The following TG variants were observed in gnomAD, a reference collection of about 807,000 sequenced individuals.
TG encodes the protein thyroglobulin.
Under a neutral mutation model 324.7 loss-of-function variants are expected in TG, and 270 were observed. The ratio of observed to expected loss-of-function variants is 0.83; its 90% CI spans 0.75 to 0.92. The LOEUF is 0.92. Among genes scored for constraint, TG ranks in the 40% least tolerant of loss-of-function variants. The pLI is 0.00. For synonymous variants in TG, 1,401 were observed against 1,327.0 expected, an observed-to-expected ratio of 1.06 and a Z score of -1.21; for missense variants, 3,591 against 3,456.4, an observed-to-expected ratio of 1.04 and a Z score of -0.98.
intron 11 of TG, among the ~76,000 whole-genome samples, chr8:132,896,857 G>A (rs2132253381): frequency 6.6e-6 from 1 of 152,306 alleles, no homozygotes; most frequent in African/African-American, 2.4e-5. Flanking sequence ...GGAACACTAT[G>A]TACTATGTTG....
chr8:132,891,799 A>G (rs16904779), intron 10 of TG, among the ~76,000 whole-genome samples: 5,371 of 152,288 alleles, frequency 0.035, 219 homozygotes, highest in African/African-American at 0.092. Flanking sequence ...TTTTGAACAA[A>G]AAAACAATAA....
chr8:132,969,500 C>A lies in TG; in HGVS notation c.5906C>A (p.Pro1969Gln). The A allele has an allele frequency of 1.2e-6, 2 of 1,613,920 alleles. No individual in the cohort carries two copies. Among genetic ancestry groups the A allele is most frequent in the Non-Finnish European group, 1.7e-6 (2 of 1,179,882 alleles). ...GTGAAGAACTTTTACACTCGCCTGC[C>A]GTTCCAAAAACTGATGGGGATATCC... ...DKVKNFYTRL[P>Q]FQKLMGISIR... The change falls in exon 32 of 48, where the codon CCG (proline) becomes CAG (glutamine). Residue 1969 changes from proline to glutamine, a missense_variant. Physicochemically the swap from Pro to Gln is moderately conservative, Grantham distance 76. Transcript: ENST00000220616.
In TG at chr8:133,044,676, A is replaced by G. The variant is rs576481759; in HGVS notation, c.7239+14653A>G. Among the ~76,000 whole-genome samples, 187 of 152,316 alleles carry G rather than the reference A, an allele frequency of 1.2e-3. 1 individual carries two copies. Among genetic ancestry groups the G allele is most frequent in the Middle Eastern group, 3.4e-3 (1 of 294 alleles). The stretch of plus-strand genomic sequence containing the variant: ...CTATAACAAAGCCCCAGAGGCTTGA[A>G]TATGTATGGCCCACTTAAGGATGTG... On this transcript the variant is annotated intron_variant, in intron 41 of 47. Transcript: ENST00000220616.
intron 5 of TG, among the ~76,000 whole-genome samples, chr8:132,881,536 G>A (rs1371764769): frequency 6.6e-6 from 1 of 152,164 alleles, no homozygotes; most frequent in African/African-American, 2.4e-5. Context: ...CAGTTAATGC[G>A]ATTTTCCTTG....
rs1564041432 is a variant in TG, at chr8:132,986,380, G to GTGTATATATAGTATATATATGTA, written c.6262+2971_6262+2972insATATATAGTATATATATGTATGT. Among the ~76,000 whole-genome samples the GTGTATATATAGTATATATATGTA allele has an allele frequency of 2.5e-4, 11 of 44,254 alleles. No homozygotes were observed. The South Asian group carries it at 2.9e-3, about 12-fold the overall frequency. The allele number at this position is 44,254 out of a possible 152,430, so 29.0% of individuals were successfully genotyped here. Reference sequence around the variant, plus strand: ...ATATGTGTATATATAGTATATATATGTGTGTATATATGTGTATATATATGT... The same window carrying GTGTATATATAGTATATATATGTA: ...ATATGTGTATATATAGTATATATATGTGTATATATAGTATATATATGTATGTGTATATATGTGTATATATATGT... On this transcript the variant is annotated intron_variant, in intron 35 of 47. Coordinates refer to ENST00000220616, the MANE Select transcript of TG (RefSeq NM_003235.5).
chr8:133,096,723 A>T (rs531261648), intron 43 of TG, among the ~76,000 whole-genome samples: 1 of 152,294 alleles, frequency 6.6e-6, no homozygotes, highest in South Asian at 2.1e-4. Flanking sequence ...CTGAGAGATG[A>T]TGAGGCAGGG....
intron 45 of TG, among the ~76,000 whole-genome samples, chr8:133,128,200 A>G (rs752757710): frequency 6.6e-6 from 1 of 152,116 alleles, no homozygotes; most frequent in Non-Finnish European, 1.5e-5. Flanking sequence ...GAGCCTCAGC[A>G]TCCATCCAGA....
At chr8:133,012,301 G>A (rs1834587944) in intron 36 of TG, among the ~76,000 whole-genome samples, 1 of 152,218 alleles carries the variant, frequency 6.6e-6, no homozygotes, top group African/African-American at 2.4e-5. Context: ...TAGTGGGTTA[G>A]TCTGAGGCAG....
chr8:133,020,204 T>C (rs1835434193), intron 39 of TG, among the ~76,000 whole-genome samples: 1 of 152,240 alleles, frequency 6.6e-6, no homozygotes, highest in Non-Finnish European at 1.5e-5. Context: ...GCCAGTGCTC[T>C]TTCTTCTTAG....
intron 12 of TG, among the ~76,000 whole-genome samples, 167 bp from the exon 13 acceptor site, chr8:132,898,002 G>A (rs1369754182): frequency 6.6e-6 from 1 of 152,176 alleles, no homozygotes; most frequent in Non-Finnish European, 1.5e-5. Flanking sequence ...GTGGTTGCTG[G>A]GGGCATCAGA....
intron 35 of TG, among the ~76,000 whole-genome samples, chr8:132,986,293 A>G (rs1355068772): frequency 6.6e-6 from 1 of 151,398 alleles, no homozygotes; most frequent in Non-Finnish European, 1.5e-5. Flanking sequence ...TTTTTACCTA[A>G]TATTGCATTG....
intron 23 of TG, among the ~76,000 whole-genome samples, chr8:132,930,417 A>AGG (rs1822529988): frequency 6.6e-6 from 1 of 152,178 alleles, no homozygotes; most frequent in Non-Finnish European, 1.5e-5. Context: ...GTGGTAGCTC[A>AGG]CGCCTCTAAT....
At chr8:133,002,369 A>G (rs1833602606) in intron 35 of TG, 1 of 985,462 alleles carries the variant, frequency 1.0e-6, no homozygotes, top group Non-Finnish European at 1.2e-6. Context: ...CAGTACAAAT[A>G]TTTCATAAAT....
At chr8:132,944,977 GC>G (rs1825021461) in intron 26 of TG, among the ~76,000 whole-genome samples, 1 of 152,190 alleles carries the variant, frequency 6.6e-6, no homozygotes, top group Non-Finnish European at 1.5e-5. Flanking sequence ...AGAGTACAAG[GC>G]CAGAGGTTTA....
At chr8:132,919,276 T>C in intron 20 of TG, 100 bp from the exon 21 acceptor site, 1 of 1,283,346 alleles carries the variant, frequency 7.8e-7, no homozygotes, top group East Asian at 2.5e-5. Flanking sequence ...GAATGAGCTC[T>C]TGAACTGGTT....
Position 133,107,437 on chromosome 8 carries a change from T to A in TG, c.7573-5985T>A, listed in dbSNP as rs1253976087. 6.6e-5 allele frequency among the ~76,000 whole-genome samples: 10 copies of A among 152,138 alleles called. No individual in the cohort carries two copies. The East Asian group carries it at 1.9e-3, about 29-fold the overall frequency. ...TTGTGTAATTCCTGCCTGTAACAAA[T>A]CTACTGTCTAAGGCAGACCCCGCCT... On this transcript the variant is annotated intron_variant, in intron 43 of 47. Transcript: ENST00000220616.
At position 132,995,325 on chromosome 8, in the gene TG, T is replaced by C. The variant is rs73357244; in HGVS notation, c.6262+11913T>C. On this transcript the variant is annotated intron_variant, in intron 35 of 47. Transcript: ENST00000220616. ...TACAGCAAGTGCTTGATAAATGGAATGAGCAGCAGCTGCTCCTGCTCCTGC... is the reference window on the plus strand; with the variant it reads ...TACAGCAAGTGCTTGATAAATGGAACGAGCAGCAGCTGCTCCTGCTCCTGC... The C allele has an allele frequency of 4.7e-3, 4,623 of 985,040 alleles. 171 individuals carry two copies. The African/African-American group carries it at 0.075, about 16-fold the overall frequency. The allele number at this position is 985,040 out of a possible 1,614,324, so 61.0% of individuals were successfully genotyped here. A position where few individuals can be genotyped will look rare whatever the true frequency, so the allele number is the denominator to read the frequency against.
intron 23 of TG, 103 bp from the exon 24 acceptor site, chr8:132,933,458 G>GTGTGTGTA (rs1823094715): frequency 1.3e-6 from 1 of 764,810 alleles, no homozygotes; most frequent in Non-Finnish European, 2.3e-6. Context: ...GTGTGTGTGT[G>GTGTGTGTA]TGTGTGTTTG....
chr8:132,987,106 C>T (rs1364367317), intron 35 of TG, among the ~76,000 whole-genome samples: 1 of 151,672 alleles, frequency 6.6e-6, no homozygotes, highest in African/African-American at 2.4e-5. Context: ...TTCACATATA[C>T]ACACAGCCTA....
Sources: gnomAD v4.1 joint callset for allele counts (sites outside exome capture counted in the v4.1 genomes callset) on GRCh38, gnomAD v4.1.1 for gene constraint, MANE v1.5 for transcripts, NCBI Gene and HGNC (gene_info 2026-07-23, HGNC 2026-07-21) for gene names.